CTNNA2: variants seen among roughly 807,000 people sequenced by gnomAD.
CTNNA2 encodes the protein catenin alpha 2.
CTNNA2 carries 42 observed loss-of-function variants against 101.0 expected under a neutral mutation model. The ratio of observed to expected loss-of-function variants is 0.42; its 90% CI spans 0.32 to 0.54. CTNNA2 has a LOEUF of 0.54. CTNNA2 is among the 20% of genes least tolerant of loss of function. CTNNA2 has a pLI of 0.14. For missense variants in CTNNA2, 871 were observed against 1,223.1 expected (o/e 0.71, Z 4.29); for synonymous variants, 450 against 456.4 (o/e 0.99, Z 0.18).
intron 7 of CTNNA2, among the ~76,000 whole-genome samples, chr2:79,982,246 G>A (rs879740636): frequency 0.044 from 2,837 of 64,952 alleles, 232 homozygotes; most frequent in African/African-American, 0.15. Context: ...ATATATGTAT[G>A]TATATGTACA....
At chr2:80,517,943 A>G (rs1689229609) in intron 9 of CTNNA2, among the ~76,000 whole-genome samples, 1 of 152,190 alleles carries the variant, frequency 6.6e-6, no homozygotes, top group Non-Finnish European at 1.5e-5. Context: ...ATTTGCCAGA[A>G]TTCACATCCC....
At chr2:80,356,389 G>T (rs1673799867) in intron 7 of CTNNA2, among the ~76,000 whole-genome samples, 1 of 152,124 alleles carries the variant, frequency 6.6e-6, no homozygotes, top group Non-Finnish European at 1.5e-5. Flanking sequence ...TTCCAACTGC[G>T]AATCCTGCAA....
At chr2:80,345,077 G>A (rs1012633347) in intron 7 of CTNNA2, among the ~76,000 whole-genome samples, 6 of 152,058 alleles carry the variant, frequency 3.9e-5, no homozygotes, top group Non-Finnish European at 8.8e-5. Context: ...CTCTTTCCAG[G>A]TCTATTCTCA....
intron 6 of CTNNA2, among the ~76,000 whole-genome samples, chr2:79,880,829 T>A (rs1443212243): frequency 1.3e-5 from 2 of 152,260 alleles, no homozygotes; most frequent in Admixed American, 6.5e-5. Flanking sequence ...TCAATTCTGC[T>A]CTGATCTTAG....
intron 18 of CTNNA2, among the ~76,000 whole-genome samples, chr2:80,621,152 G>T (rs1315241339): frequency 2.6e-5 from 4 of 151,768 alleles, no homozygotes; most frequent in African/African-American, 7.3e-5. Context: ...AAATTACTTA[G>T]ATCTCTCGGG....
intron 2 of CTNNA2, among the ~76,000 whole-genome samples, chr2:79,309,157 C>CT (rs1254818140): frequency 6.6e-6 from 1 of 152,078 alleles, no homozygotes; most frequent in Non-Finnish European, 1.5e-5. Context: ...CATATCACAA[C>CT]TTTTTTTGAG....
intron 7 of CTNNA2, among the ~76,000 whole-genome samples, chr2:80,320,163 A>G (rs904653036): frequency 2.0e-5 from 3 of 152,256 alleles, no homozygotes; most frequent in Admixed American, 1.3e-4. Flanking sequence ...GTCTTGCCTC[A>G]TAGCACAACT....
rs148918545 is a variant in CTNNA2, at chr2:80,134,709, C to T, written c.1056+224912C>T. Among the ~76,000 whole-genome samples the T allele has an allele frequency of 6.4e-3, 978 of 152,274 alleles. 11 individuals carry two copies. The highest frequency in any genetic ancestry group is 0.022 in the African/African-American group (918 of 41,564). On this transcript the variant is annotated intron_variant, in intron 7 of 18. Coordinates refer to ENST00000402739, the MANE Select transcript of CTNNA2 (RefSeq NM_001282597.3). ...AGCCACCACCCCTGTTCTGCCTTTC[C>T]GGTTGTGCTTCAAAGCCGTTATTGT...
At chr2:80,552,184 A>C (rs1692616529) in intron 11 of CTNNA2, among the ~76,000 whole-genome samples, 1 of 152,182 alleles carries the variant, frequency 6.6e-6, no homozygotes. Flanking sequence ...AGATCATCAA[A>C]ACGATAATGA....
At chr2:80,099,282 T>A (rs1355579138) in intron 7 of CTNNA2, among the ~76,000 whole-genome samples, 3 of 152,098 alleles carry the variant, frequency 2.0e-5, no homozygotes, top group Non-Finnish European at 4.4e-5. Context: ...GTAGCTTAGT[T>A]TTCTGGACCC....
intron 3 of CTNNA2, among the ~76,000 whole-genome samples, chr2:79,804,768 T>C (rs1355042263): frequency 6.6e-6 from 1 of 152,182 alleles, no homozygotes; most frequent in East Asian, 1.9e-4. Context: ...AATATCTTCT[T>C]TGATAATGCC....
At chr2:80,004,602 G>A (rs1693195235) in intron 7 of CTNNA2, among the ~76,000 whole-genome samples, 1 of 152,120 alleles carries the variant, frequency 6.6e-6, no homozygotes, top group Non-Finnish European at 1.5e-5. Flanking sequence ...AGAGAAAAGA[G>A]GTTGGATAAT....
At chr2:80,589,541 A>C in intron 15 of CTNNA2, 56 bp downstream of exon 15, 1 of 1,539,124 alleles carries the variant, frequency 6.5e-7, no homozygotes, top group Non-Finnish European at 8.9e-7. Flanking sequence ...GAAGTGTAGC[A>C]GTGTGTATTA....
At chr2:79,454,188 T>A (rs1376949029) in intron 4 of CTNNA2, among the ~76,000 whole-genome samples, 1 of 152,144 alleles carries the variant, frequency 6.6e-6, no homozygotes, top group African/African-American at 2.4e-5. Flanking sequence ...ATATGGTGAT[T>A]CCCTCCCAAT....
chr2:80,203,521 C>G (rs1331634704), intron 7 of CTNNA2, among the ~76,000 whole-genome samples: 1 of 152,218 alleles, frequency 6.6e-6, no homozygotes, highest in Non-Finnish European at 1.5e-5. Flanking sequence ...AAAATGATCT[C>G]TTTTGACTCC....
At chr2:79,895,585 A>G (rs1684649086) in intron 6 of CTNNA2, among the ~76,000 whole-genome samples, 1 of 152,114 alleles carries the variant, frequency 6.6e-6, no homozygotes, top group South Asian at 2.1e-4. Flanking sequence ...AATTTCTGGG[A>G]TAAGAAGTTT....
chr2:80,212,855 G>A (rs1006589635), intron 7 of CTNNA2, among the ~76,000 whole-genome samples: 1 of 152,026 alleles, frequency 6.6e-6, no homozygotes. Context: ...GAATTTTTTT[G>A]GTTGGTAGGC....
At chr2:80,524,112 C>A (rs1383545904) in intron 9 of CTNNA2, among the ~76,000 whole-genome samples, 1 of 152,072 alleles carries the variant, frequency 6.6e-6, no homozygotes, top group Non-Finnish European at 1.5e-5. Flanking sequence ...AGGGAAATAG[C>A]TGGGGAGAGG....
At chr2:79,567,199 T>G (rs897311633) in intron 1 of CTNNA2, among the ~76,000 whole-genome samples, 2 of 152,208 alleles carry the variant, frequency 1.3e-5, no homozygotes, top group African/African-American at 4.8e-5. Flanking sequence ...GAGGGCAATT[T>G]AATGAAGTCC....
Sources: allele counts gnomAD v4.1 joint callset (sites outside exome capture counted in the v4.1 genomes callset), GRCh38; gene constraint gnomAD v4.1.1; transcripts MANE v1.5; gene names NCBI Gene and HGNC (gene_info 2026-07-23, HGNC 2026-07-21).